Variants in COL24A1 observed in about 807,000 individuals in gnomAD.
COL24A1 encodes the protein collagen type XXIV alpha 1 chain.
A neutral mutation model predicts 253.9 loss-of-function variants in COL24A1; 224 were observed. The ratio of observed to expected loss-of-function variants is 0.88; its 90% CI spans 0.79 to 0.99. The LOEUF (loss-of-function observed/expected upper bound fraction) is 0.99, where lower values mean the gene tolerates loss of function less well. COL24A1 is among the 50% of genes least tolerant of loss of function. The probability of loss-of-function intolerance (pLI) is 0.00; values close to 1 mark genes in which losing one functional copy is unlikely to be tolerated. For missense variants in COL24A1, 2,131 were observed against 2,068.5 expected (o/e 1.03, Z -0.59); for synonymous variants, 685 against 673.7 (o/e 1.02, Z -0.26).
chr1:86,040,918 G>A (rs1006301646), intron 12 of COL24A1, among the ~76,000 whole-genome samples: 3 of 152,112 alleles, frequency 2.0e-5, no homozygotes, highest in African/African-American at 2.4e-5. Flanking sequence ...TCCACAAAAT[G>A]TATGTATCTG....
chr1:85,802,989 C>T (rs952418889), intron 47 of COL24A1, among the ~76,000 whole-genome samples: 2 of 151,992 alleles, frequency 1.3e-5, no homozygotes, highest in Non-Finnish European at 2.9e-5. Context: ...TGGTTCATTC[C>T]TAGTTTTGGG....
At chr1:85,880,270 CTAATG>C (rs1288926896) in intron 32 of COL24A1, among the ~76,000 whole-genome samples, 2 of 151,986 alleles carry the variant, frequency 1.3e-5, no homozygotes, top group Non-Finnish European at 2.9e-5. Flanking sequence ...TTTTTTGGTG[CTAATG>C]TAAATAGTAT....
chr1:85,806,020 G>A lies in COL24A1; in HGVS notation c.3951+10768C>T, dbSNP rs1671924320. ...GAACCAAGGGGGCGGAGCTTGCAGT[G>A]AGCGGAGATCGCGCCACTGCACTCC... On this transcript the variant is annotated intron_variant, in intron 47 of 59. Coordinates refer to ENST00000370571, the MANE Select transcript of COL24A1 (RefSeq NM_152890.7). 3.3e-5 allele frequency among the ~76,000 whole-genome samples: 5 copies of A among 149,550 alleles called. No individual in the cohort carries two copies. In the South Asian group the frequency reaches 1.0e-3, roughly 31 times the overall value.
At chr1:86,097,659 C>T (rs1251819238) in intron 5 of COL24A1, among the ~76,000 whole-genome samples, 1 of 140,092 alleles carries the variant, frequency 7.1e-6, no homozygotes, top group African/African-American at 2.7e-5. Context: ...TCCTCCTCCT[C>T]CCCTTCTCCT....
At chr1:86,013,967 C>G (rs536841415) in intron 19 of COL24A1, among the ~76,000 whole-genome samples, 1 of 152,326 alleles carries the variant, frequency 6.6e-6, no homozygotes, top group East Asian at 1.9e-4. Context: ...GCTCCTTTCT[C>G]CTGCACAGTC....
chr1:86,045,146 C>G (rs1414331184), intron 12 of COL24A1, among the ~76,000 whole-genome samples: 1 of 152,010 alleles, frequency 6.6e-6, no homozygotes, highest in Non-Finnish European at 1.5e-5. Flanking sequence ...CCCACCACCA[C>G]AGCCAGCTAA....
At chr1:86,060,676 G>A (rs185731967) in intron 8 of COL24A1, among the ~76,000 whole-genome samples, 78 of 151,616 alleles carry the variant, frequency 5.1e-4, no homozygotes, top group Middle Eastern at 3.4e-3. Flanking sequence ...TTTGCTAAGC[G>A]TTTTACATCT....
chr1:86,091,264 T>C (rs1430506838), intron 6 of COL24A1, among the ~76,000 whole-genome samples: 1 of 152,088 alleles, frequency 6.6e-6, no homozygotes. Context: ...TGTGTAACTA[T>C]TGTATACCAG....
intron 20 of COL24A1, among the ~76,000 whole-genome samples, chr1:85,977,687 G>T (rs1692825205): frequency 6.6e-6 from 1 of 151,958 alleles, no homozygotes; most frequent in Non-Finnish European, 1.5e-5. Context: ...AAAAGAACAA[G>T]AACAACAAAA....
intron 8 of COL24A1, among the ~76,000 whole-genome samples, chr1:86,061,062 T>C (rs1701052826): frequency 6.6e-6 from 1 of 151,900 alleles, no homozygotes; most frequent in Non-Finnish European, 1.5e-5. Context: ...ACATAAGGTG[T>C]TTATGTCACC....
chr1:86,061,093 A>G (rs1035336003), intron 8 of COL24A1, among the ~76,000 whole-genome samples: 30 of 152,066 alleles, frequency 2.0e-4, no homozygotes. Context: ...TACTTAGCTA[A>G]TAAGTAGGAA....
intron 37 of COL24A1, among the ~76,000 whole-genome samples, chr1:85,850,270 G>T (rs191074637): frequency 5.9e-5 from 9 of 152,070 alleles, no homozygotes; most frequent in Non-Finnish European, 1.0e-4. Flanking sequence ...CCCTGCATTC[G>T]CTGGAAATGA....
intron 28 of COL24A1, among the ~76,000 whole-genome samples, chr1:85,898,125 T>A (rs1192354594): frequency 1.3e-5 from 2 of 152,200 alleles, no homozygotes; most frequent in East Asian, 3.8e-4. Context: ...GACTGGGACT[T>A]ATAAGGTGAA....
At chr1:86,129,476 A>G (rs1282285845) in intron 2 of COL24A1, among the ~76,000 whole-genome samples, 1 of 151,392 alleles carries the variant, frequency 6.6e-6, no homozygotes, top group East Asian at 1.9e-4. Flanking sequence ...TCTTTTGCTA[A>G]TCTCTGAAGA....
intron 58 of COL24A1, chr1:85,736,080 A>G (rs1664016683): frequency 3.8e-6 from 1 of 266,602 alleles, no homozygotes; most frequent in Non-Finnish European, 7.5e-6. Context: ...CCTTGTCAGT[A>G]AATTCGGGTA....
chr1:85,905,063 T>C (rs531440663), intron 28 of COL24A1, among the ~76,000 whole-genome samples: 1 of 152,048 alleles, frequency 6.6e-6, no homozygotes, highest in East Asian at 1.9e-4. Flanking sequence ...AGCAAGAGAG[T>C]ATAACTACCA....
intron 53 of COL24A1, among the ~76,000 whole-genome samples, chr1:85,770,709 G>C (rs1667864683): frequency 6.6e-6 from 1 of 152,144 alleles, no homozygotes; most frequent in Non-Finnish European, 1.5e-5. Context: ...TGCTGAAGAA[G>C]TGGCCCCTTT....
At chr1:85,974,026 C>G (rs1470601655) in intron 20 of COL24A1, among the ~76,000 whole-genome samples, 1 of 151,982 alleles carries the variant, frequency 6.6e-6, no homozygotes, top group Non-Finnish European at 1.5e-5. Context: ...TTATATTCAT[C>G]AAGAAGATAT....
At chr1:85,847,857 C>G (rs1962483) in intron 38 of COL24A1, 85 bp from the exon 39 acceptor site, 1 of 764,964 alleles carries the variant, frequency 1.3e-6, no homozygotes, top group Non-Finnish European at 2.2e-6. Flanking sequence ...TGAATAGCTC[C>G]TGAGGATTAT....
Sources: allele counts gnomAD v4.1 joint callset (sites outside exome capture counted in the v4.1 genomes callset), GRCh38; gene constraint gnomAD v4.1.1; transcripts MANE v1.5; gene names NCBI Gene and HGNC (gene_info 2026-07-23, HGNC 2026-07-21).